Variants in EYS observed in about 807,000 individuals in gnomAD.
The protein encoded by EYS is EGF-like photoreceptor maintenance factor, also known as protein eyes shut homolog.
In EYS, 250 loss-of-function variants were observed where a neutral mutation model predicts 282.1. That is an observed-to-expected ratio of 0.89 (90% CI 0.80 to 0.98). The LOEUF (loss-of-function observed/expected upper bound fraction) is 0.98. Among genes scored for constraint, EYS ranks in the 50% least tolerant of loss-of-function variants. The pLI is 0.00. For missense variants in EYS, 4,016 were observed against 3,709.0 expected, an observed-to-expected ratio of 1.08 and a Z score of -2.15; for synonymous variants, 1,355 against 1,282.9, an observed-to-expected ratio of 1.06 and a Z score of -1.20.
chr6:65,700,704 C>T (rs1359545351), intron 1 of EYS, among the ~76,000 whole-genome samples: 1 of 152,212 alleles, frequency 6.6e-6, no homozygotes, highest in East Asian at 1.9e-4. Flanking sequence ...AACATATTAC[C>T]AGCAACACAA....
At chr6:65,238,084 C>T (rs1359037480) in intron 12 of EYS, among the ~76,000 whole-genome samples, 3 of 151,640 alleles carry the variant, frequency 2.0e-5, no homozygotes, top group African/African-American at 7.3e-5. Context: ...TTCTTTTTTA[C>T]CAAAGTTTGA....
intron 41 of EYS, among the ~76,000 whole-genome samples, chr6:63,743,059 A>G (rs111358615): frequency 1.2e-3 from 186 of 152,172 alleles, no homozygotes; most frequent in Admixed American, 2.1e-3. Flanking sequence ...ACTTTTTTCT[A>G]TAGCGGCTAT....
At chr6:63,829,417 C>A (rs1771563289) in intron 36 of EYS, among the ~76,000 whole-genome samples, 1 of 152,192 alleles carries the variant, frequency 6.6e-6, no homozygotes, top group African/African-American at 2.4e-5. Context: ...GAGATTATAT[C>A]CCACACCTGG....
At chr6:64,604,958 T>C (rs1766877134) in intron 24 of EYS, among the ~76,000 whole-genome samples, 2 of 152,038 alleles carry the variant, frequency 1.3e-5, no homozygotes, top group African/African-American at 4.8e-5. Flanking sequence ...ATTGACTATG[T>C]ATCAAACATA....
At chr6:64,898,852 G>C (rs1391743296) in intron 18 of EYS, among the ~76,000 whole-genome samples, 1 of 151,318 alleles carries the variant, frequency 6.6e-6, no homozygotes, top group African/African-American at 2.4e-5. Flanking sequence ...AAATCAAAAA[G>C]ACAAAGAAGG....
At chr6:64,926,827 C>A (rs988786932) in intron 15 of EYS, among the ~76,000 whole-genome samples, 1 of 152,014 alleles carries the variant, frequency 6.6e-6, no homozygotes. Context: ...AGAGATAGAC[C>A]CTAAAATGTA....
intron 26 of EYS, among the ~76,000 whole-genome samples, chr6:64,492,074 T>C (rs1342299336): frequency 6.6e-6 from 1 of 151,190 alleles, no homozygotes; most frequent in Non-Finnish European, 1.5e-5. Context: ...TTGAAGAAAT[T>C]TGAAGTAATT....
intron 11 of EYS, chr6:65,330,807 T>G: frequency 1.0e-6 from 1 of 959,394 alleles, no homozygotes; most frequent in Non-Finnish European, 1.2e-6. Flanking sequence ...TCATTTTACC[T>G]TAAACTTTTA....
intron 26 of EYS, among the ~76,000 whole-genome samples, chr6:64,540,625 G>C (rs1764672531): frequency 6.6e-6 from 1 of 151,892 alleles, no homozygotes. Flanking sequence ...TGGGATCACA[G>C]GCATGCACCG....
At chr6:65,483,446 C>T (rs1765674830) in intron 5 of EYS, among the ~76,000 whole-genome samples, 1 of 152,020 alleles carries the variant, frequency 6.6e-6, no homozygotes, top group Non-Finnish European at 1.5e-5. Flanking sequence ...GAGAACTTGA[C>T]ATAATGGCTA....
intron 30 of EYS, among the ~76,000 whole-genome samples, chr6:64,248,383 G>A (rs756572434): frequency 3.9e-5 from 6 of 152,136 alleles, no homozygotes; most frequent in Non-Finnish European, 8.8e-5. Context: ...TTGGAAAGGA[G>A]CTGGAGGCAG....
At chr6:64,855,554 A>G (rs1403100111) in intron 19 of EYS, among the ~76,000 whole-genome samples, 1 of 152,130 alleles carries the variant, frequency 6.6e-6, no homozygotes, top group Non-Finnish European at 1.5e-5. Context: ...TTTCCCCTAT[A>G]CATATTTTCT....
chr6:64,452,810 A>G (rs1315148265), intron 26 of EYS, among the ~76,000 whole-genome samples: 2 of 152,224 alleles, frequency 1.3e-5, no homozygotes, highest in East Asian at 3.8e-4. Flanking sequence ...AGCCATATGT[A>G]GAAAGCTGAA....
intron 12 of EYS, among the ~76,000 whole-genome samples, chr6:65,258,647 T>C (rs1767536853): frequency 6.6e-6 from 1 of 152,072 alleles, no homozygotes; most frequent in Admixed American, 6.6e-5. Flanking sequence ...TCAGACATTA[T>C]GAGAGCAAGA....
intron 35 of EYS, among the ~76,000 whole-genome samples, chr6:63,966,980 A>T (rs148861602): frequency 0.015 from 2,353 of 152,308 alleles, 62 homozygotes; most frequent in African/African-American, 0.053. Context: ...CTTTTGGTAC[A>T]TACTTATGAT....
chr6:64,098,792 A>C (rs1451835481), intron 31 of EYS, among the ~76,000 whole-genome samples: 1 of 151,802 alleles, frequency 6.6e-6, no homozygotes, highest in African/African-American at 2.4e-5. Context: ...TAGTAGAGGT[A>C]CAGGGTTTCA....
At chr6:64,509,944 A>G (rs1481158613) in intron 26 of EYS, among the ~76,000 whole-genome samples, 1 of 152,122 alleles carries the variant, frequency 6.6e-6, no homozygotes, top group Admixed American at 6.6e-5. Context: ...ATTATTTCTT[A>G]CAATAAATAT....
At chr6:65,370,605 T>C (rs1765105913) in intron 8 of EYS, among the ~76,000 whole-genome samples, 1 of 151,784 alleles carries the variant, frequency 6.6e-6, no homozygotes, top group Non-Finnish European at 1.5e-5. Context: ...CAAATTTTTT[T>C]TATGTATCAC....
chr6:65,222,393 T>C (rs965201826), intron 12 of EYS, among the ~76,000 whole-genome samples: 33 of 152,142 alleles, frequency 2.2e-4, no homozygotes, highest in Admixed American at 9.8e-4. Context: ...CTGATGGTTT[T>C]ATAAAGGGGA....
Sources: allele counts gnomAD v4.1 joint callset (sites outside exome capture counted in the v4.1 genomes callset), GRCh38; gene constraint gnomAD v4.1.1; transcripts MANE v1.5; gene names NCBI Gene and HGNC (gene_info 2026-07-23, HGNC 2026-07-21).